F8: variants seen among roughly 807,000 people sequenced by gnomAD.
F8 encodes antihemophilic factor.
F8 carries 12 observed loss-of-function variants against 140.6 expected under a neutral mutation model. That is an observed-to-expected ratio of 0.09 (90% CI 0.05 to 0.14). F8 has a LOEUF of 0.14. F8 is among the 10% of genes least tolerant of loss of function. The probability of loss-of-function intolerance (pLI) is 1.00; values close to 1 mark genes in which losing one functional copy is unlikely to be tolerated. For missense variants in F8, 1,354 were observed against 1,720.7 expected, an observed-to-expected ratio of 0.79 and a Z score of 3.77; for synonymous variants, 585 against 614.6, an observed-to-expected ratio of 0.95 and a Z score of 0.71.
In F8 at chrX:154,930,475, T is replaced by A. The variant is rs2073188666; in HGVS notation, c.3315A>T (p.Pro1105=). The A allele has an allele frequency of 1.7e-6, 2 of 1,209,877 alleles. No individual in the cohort carries two copies. Among genetic ancestry groups the A allele is most frequent in the African/African-American group, 3.5e-5 (2 of 57,888 alleles). Residue 1105 remains proline, a synonymous_variant, in exon 14 of 26, where the codon CCA becomes CCT. Coordinates refer to ENST00000360256, the MANE Select transcript of F8 (RefSeq NM_000132.4). The part of the protein sequence containing the change: ...MVQQKKEGPI[P]PDAQNPDMSF... Reference sequence around the variant, plus strand: ...ACATATCTGGATTTTGTGCATCTGGTGGAATGGGGCCCTCTTTTTTCTGTT... The same window carrying A: ...ACATATCTGGATTTTGTGCATCTGGAGGAATGGGGCCCTCTTTTTTCTGTT...
At chrX:154,956,568 C>T (rs1288044529) in intron 11 of F8, among the ~76,000 whole-genome samples, 3 of 112,172 alleles carry the variant, frequency 2.7e-5, no homozygotes, top group Non-Finnish European at 5.6e-5. Flanking sequence ...TCCCTGACTT[C>T]CTGCAACAGT....
chrX:154,958,803 A>G (rs1183609446), intron 10 of F8, among the ~76,000 whole-genome samples: 1 of 110,408 alleles, frequency 9.1e-6, no homozygotes, highest in Non-Finnish European at 1.9e-5. Context: ...TTTAGTAGAG[A>G]TGGGTTTTCA....
At chrX:154,868,201 G>A (rs2072746455) in intron 22 of F8, among the ~76,000 whole-genome samples, 1 of 111,706 alleles carries the variant, frequency 9.0e-6, no homozygotes, top group African/African-American at 3.3e-5. Flanking sequence ...TCAAGGGAGG[G>A]ACCTAGTGGG....
In F8 at chrX:154,931,401, G is replaced by A. The variant is rs1557278834; in HGVS notation, c.2389C>T (p.Pro797Ser). Residue 797 changes from proline to serine, a missense_variant, in exon 14 of 26, where the codon CCT becomes TCT. This residue lies in a region of F8 where 658 missense variants were observed against 666.5 expected (regional missense o/e 0.99). Transcript: ENST00000360256. ...KTDPWFAHRTPMPKIQNVSSS... is the reference protein window; with the variant it reads ...KTDPWFAHRTSMPKIQNVSSS... ...GAGACATTTTGTATTTTAGGCATAG[G>A]TGTTCTGTGTGCAAACCAAGGGTCA... 8.3e-7 allele frequency: 1 copy of A among 1,210,656 alleles called. No homozygotes were observed. The highest frequency in any genetic ancestry group is 3.0e-5 in the East Asian group (1 of 33,859).
At chrX:154,959,470 C>T (rs2073384688) in intron 10 of F8, among the ~76,000 whole-genome samples, 1 of 112,259 alleles carries the variant, frequency 8.9e-6, no homozygotes, top group African/African-American at 3.2e-5. Flanking sequence ...GTTGAAGAAG[C>T]CTACATTTCT....
chrX:154,842,796 AT>A (rs1557271418), intron 25 of F8, among the ~76,000 whole-genome samples: 1 of 111,553 alleles, frequency 9.0e-6, no homozygotes, highest in Non-Finnish European at 1.9e-5. Flanking sequence ...TAATTTTGCA[AT>A]TTCTTTTTTT....
rs1158521726 is a variant in F8 at position 154,860,509 on chromosome X, A to G, written c.6823T>C (p.Tyr2275His). The G allele has an allele frequency of 1.2e-5, 14 of 1,210,996 alleles. No individual in the cohort carries two copies. The highest frequency in any genetic ancestry group is 1.6e-5 in the Non-Finnish European group (14 of 894,932). ...QGVKSLLTSM[Y>H]VKEFLISSSQ... ...CTGGAGATGAGGAACTCCTTCACAT[A>G]CATGCTGGTAAGCAGAGATTTTACT... The change falls in exon 25 of 26, where the codon TAT (tyrosine) becomes CAT (histidine). Residue 2275 changes from tyrosine to histidine, a missense_variant. Physicochemically the swap from Tyr to His is moderately conservative, Grantham distance 83. Around this residue, in one of 4 missense-constraint regions of F8, gnomAD observed 316 missense variants for 485.4 expected, o/e 0.65. Coordinates refer to ENST00000360256, the MANE Select transcript of F8 (RefSeq NM_000132.4).
At chrX:154,838,938 C>G (rs782461656) in intron 25 of F8, among the ~76,000 whole-genome samples, 1 of 78,192 alleles carries the variant, frequency 1.3e-5, no homozygotes, top group East Asian at 5.3e-4. Flanking sequence ...CCCACCCCCC[C>G]ACCCCCCCAA....
chrX:155,002,890 G>A (rs2073654187), intron 1 of F8, among the ~76,000 whole-genome samples: 1 of 111,588 alleles, frequency 9.0e-6, no homozygotes, highest in African/African-American at 3.3e-5. Context: ...CATCCTAATG[G>A]GTGTGAGGCA....
At chrX:155,012,680 C>G (rs1249480305) in intron 1 of F8, among the ~76,000 whole-genome samples, 1 of 109,258 alleles carries the variant, frequency 9.2e-6, no homozygotes, top group East Asian at 2.8e-4. Context: ...TAGCCCTTTA[C>G]CTATTAAAAA....
At chrX:155,017,223 G>A (rs1037719933) in intron 1 of F8, among the ~76,000 whole-genome samples, 1 of 112,639 alleles carries the variant, frequency 8.9e-6, no homozygotes. Context: ...CATTCCAAAT[G>A]AGCCTGTAAG....
intron 25 of F8, among the ~76,000 whole-genome samples, chrX:154,844,031 C>T (rs904714036): frequency 6.3e-5 from 7 of 111,730 alleles, no homozygotes; most frequent in African/African-American, 1.6e-4. Flanking sequence ...TTCCCAGCAC[C>T]ATTTATTCAA....
chrX:154,945,027 G>A (rs1388108087), intron 13 of F8, among the ~76,000 whole-genome samples: 1 of 110,268 alleles, frequency 9.1e-6, no homozygotes, highest in African/African-American at 3.3e-5. Context: ...TGTGGGGTGG[G>A]GGAAGGGGAG....
At chrX:154,923,211 A>G (rs929569215) in intron 14 of F8, among the ~76,000 whole-genome samples, 3 of 112,095 alleles carry the variant, frequency 2.7e-5, no homozygotes, top group Non-Finnish European at 5.6e-5. Flanking sequence ...ATTTGAAAAT[A>G]TAGCCAAATA....
chrX:154,859,411 T>C (rs999656484), intron 25 of F8, among the ~76,000 whole-genome samples: 2 of 107,787 alleles, frequency 1.9e-5, no homozygotes, highest in Admixed American at 1.0e-4. Flanking sequence ...CATGCCATTC[T>C]CCTGTCTCAG....
intron 2 of F8, 75 bp from the exon 3 acceptor site, chrX:154,997,170 G>T: frequency 8.8e-7 from 1 of 1,135,039 alleles, no homozygotes. Flanking sequence ...AAAAGTTAGA[G>T]TCAAGGTCAC....
intron 4 of F8, among the ~76,000 whole-genome samples, chrX:154,988,350 C>T (rs2073570251): frequency 1.8e-5 from 2 of 111,983 alleles, no homozygotes; most frequent in African/African-American, 6.5e-5. Context: ...CCTTTCATGT[C>T]TATGTTAACT....
intron 22 of F8, among the ~76,000 whole-genome samples, chrX:154,872,923 C>T (rs1312033419): frequency 9.0e-6 from 1 of 110,897 alleles, no homozygotes; most frequent in Non-Finnish European, 1.9e-5. Context: ...AGAAAATAAT[C>T]TTATTTACAA....
rs782469669 is a variant in F8, at chrX:154,924,871, A to G, written c.5219+3700T>C. On this transcript the variant is annotated intron_variant, in intron 14 of 25. Transcript: ENST00000360256. ...CCTGAGCTCTACATTGACCCCTTTC[A>G]GCCATGGCTGTAGCGGCTGGGACAC... 7.1e-5 allele frequency among the ~76,000 whole-genome samples: 8 copies of G among 112,222 alleles called. No individual in the cohort carries two copies. The East Asian group carries it at 1.4e-3, about 20-fold the overall frequency.
Sources: allele counts gnomAD v4.1 joint callset (sites outside exome capture counted in the v4.1 genomes callset), GRCh38; gene constraint gnomAD v4.1.1; regional missense constraint gnomAD v4.1.1; transcripts MANE v1.5; gene names NCBI Gene and HGNC (gene_info 2026-07-23, HGNC 2026-07-21).